ABLIM2: variants seen among roughly 807,000 people sequenced by gnomAD.
ABLIM2 encodes actin-binding LIM protein 2.
ABLIM2 carries 53 observed loss-of-function variants against 97.7 expected under a neutral mutation model. The observed-to-expected ratio is 0.54, with a 90% CI of 0.44 to 0.68. The LOEUF (loss-of-function observed/expected upper bound fraction) is 0.68, where lower values mean the gene tolerates loss of function less well. Ranked by LOEUF, ABLIM2 falls within the 30% of genes least tolerant of loss-of-function variation. The pLI is 0.00. For missense variants in ABLIM2, 835 were observed against 867.2 expected, an observed-to-expected ratio of 0.96 and a Z score of 0.47; for synonymous variants, 361 against 345.8, an observed-to-expected ratio of 1.04 and a Z score of -0.49.
At chr4:8,106,014 T>C (rs992201350) in intron 2 of ABLIM2, among the ~76,000 whole-genome samples, 3 of 152,210 alleles carry the variant, frequency 2.0e-5, no homozygotes, top group Non-Finnish European at 4.4e-5. Context: ...TATTGGTTTA[T>C]AGTCATAGAG....
At chr4:8,142,028 C>T (rs1216541356) in intron 1 of ABLIM2, among the ~76,000 whole-genome samples, 1 of 152,130 alleles carries the variant, frequency 6.6e-6, no homozygotes, top group African/African-American at 2.4e-5. Flanking sequence ...AGCGGGGCGC[C>T]GTGACCAGCC....
chr4:8,041,601 T>TA (rs1193277449), intron 9 of ABLIM2, among the ~76,000 whole-genome samples: 399 of 137,552 alleles, frequency 2.9e-3, no homozygotes, highest in Admixed American at 3.9e-3. Flanking sequence ...CCAGTTTGTT[T>TA]AAAAAAAAAA....
chr4:7,977,418 C>T (rs1734365382), intron 20 of ABLIM2, among the ~76,000 whole-genome samples: 1 of 152,188 alleles, frequency 6.6e-6, no homozygotes, highest in Non-Finnish European at 1.5e-5. Flanking sequence ...TACACACATA[C>T]ACACACATGC....
chr4:8,059,094 CCA>C (rs1801248156), intron 7 of ABLIM2, among the ~76,000 whole-genome samples: 1 of 151,992 alleles, frequency 6.6e-6, no homozygotes. Flanking sequence ...TTAATGAGTG[CCA>C]CAATAATTTT....
Position 8,143,159 on chromosome 4 carries a change from T to TTGGGG in ABLIM2, c.10+15520_10+15521insCCCCA, listed in dbSNP as rs58979220. ...CCCATACTGGGAGCGGGGGCGAGAG[T>TTGGGG]GGGGGGGGGGGGCGTCTGCAAATGC... is the stretch of plus-strand genomic sequence containing the variant. On this transcript the variant is annotated intron_variant, in intron 1 of 20. Coordinates refer to ENST00000447017, the MANE Select transcript of ABLIM2 (RefSeq NM_001130083.2). 3.1e-3 allele frequency among the ~76,000 whole-genome samples: 190 copies of TTGGGG among 61,338 alleles called. 16 individuals are homozygous for TTGGGG. The highest frequency in any genetic ancestry group is 3.7e-3 in the Non-Finnish European group (113 of 30,292). The allele number at this position is 61,338 out of a possible 152,430, so 40.2% of individuals were successfully genotyped here.
chr4:8,047,152 C>T (rs953118933), intron 8 of ABLIM2, among the ~76,000 whole-genome samples: 3 of 152,188 alleles, frequency 2.0e-5, no homozygotes, highest in Non-Finnish European at 4.4e-5. Flanking sequence ...GGAGGACAAC[C>T]CTGTGCGGCA....
intron 6 of ABLIM2, among the ~76,000 whole-genome samples, chr4:8,064,529 A>G (rs767202619): frequency 2.0e-5 from 3 of 152,202 alleles, no homozygotes; most frequent in Non-Finnish European, 4.4e-5. Flanking sequence ...CACAGCCTCC[A>G]TCACTTTAGG....
At chr4:8,141,106 AGGGACT>A (rs1306490936) in intron 1 of ABLIM2, among the ~76,000 whole-genome samples, 2 of 152,116 alleles carry the variant, frequency 1.3e-5, no homozygotes, top group African/African-American at 4.8e-5. Context: ...GGTAGCGGGA[AGGGACT>A]GGGACTGGGA....
intron 7 of ABLIM2, among the ~76,000 whole-genome samples, chr4:8,057,261 G>A (rs1799897560): frequency 6.6e-6 from 1 of 151,790 alleles, no homozygotes; most frequent in Non-Finnish European, 1.5e-5. Flanking sequence ...ACCACACCCA[G>A]TTTTAGTAGA....
intron 4 of ABLIM2, among the ~76,000 whole-genome samples, chr4:8,084,095 G>A (rs1045112848): frequency 6.6e-6 from 1 of 152,170 alleles, no homozygotes; most frequent in Non-Finnish European, 1.5e-5. Context: ...TTGGAAACAA[G>A]GACTCTGACC....
chr4:8,089,263 C>G (rs988433342), intron 3 of ABLIM2, among the ~76,000 whole-genome samples: 1 of 152,158 alleles, frequency 6.6e-6, no homozygotes, highest in African/African-American at 2.4e-5. Flanking sequence ...GCCAGGCCAC[C>G]TGCAGACAGG....
Position 7,994,761 on chromosome 4 carries a change from T to G in ABLIM2, c.1619-1834A>C. ...TTCTCCGCATCCTCTCCAGCACCTG[T>G]TGTTTCCTGACTTCATGTCCAAAAC... On this transcript the variant is annotated intron_variant, in intron 16 of 20. Coordinates refer to ENST00000447017, the MANE Select transcript of ABLIM2 (RefSeq NM_001130083.2). 1.7e-5 allele frequency among the ~76,000 whole-genome samples: 2 copies of G among 116,548 alleles called. 1 individual carries two copies. The highest frequency in any genetic ancestry group is 4.1e-5 in the Non-Finnish European group (2 of 48,326). The allele number at this position is 116,548 out of a possible 152,430, so 76.5% of individuals were successfully genotyped here.
At chr4:8,050,461 G>T (rs1795250153) in intron 8 of ABLIM2, among the ~76,000 whole-genome samples, 1 of 152,158 alleles carries the variant, frequency 6.6e-6, no homozygotes, top group Admixed American at 6.5e-5. Context: ...CTGAGGCAGG[G>T]ATGGACTGGC....
Position 8,001,048 on chromosome 4 carries a change from G to A in ABLIM2, c.1618+7011C>T, listed in dbSNP as rs1033975982. ...AGTTCCCATCCGCTCCTGGGTGCAC[G>A]GGCAGGAGGTTTGGAGGCTGTGGCA... On this transcript the variant is annotated intron_variant, in intron 16 of 20. Transcript: ENST00000447017. This position sits in a 1 kb window ranked among gnomAD's most constrained non-coding sequence, Gnocchi z 4.2. Among the ~76,000 whole-genome samples the A allele has an allele frequency of 2.6e-5, 4 of 152,232 alleles. No individual in the cohort carries two copies. Among genetic ancestry groups the A allele is most frequent in the East Asian group, 1.9e-4 (1 of 5,196 alleles).
In ABLIM2 at chr4:8,083,986, G is replaced by A. The variant is rs975022172; in HGVS notation, c.455-3184C>T. 6.6e-6 allele frequency among the ~76,000 whole-genome samples: 1 copy of A among 152,072 alleles called. No individual in the cohort carries two copies. Among genetic ancestry groups the A allele is most frequent in the African/African-American group, 2.4e-5 (1 of 41,398 alleles). On this transcript the variant is annotated intron_variant, in intron 4 of 20. Coordinates refer to ENST00000447017, the MANE Select transcript of ABLIM2 (RefSeq NM_001130083.2). This position sits in a 1 kb window ranked among gnomAD's most constrained non-coding sequence, Gnocchi z 4.6. ...CTCAGCTGGAGCTCAGGGGGTGCAGGTGCAGGAGCCAGACCCCCTCTGCAG... is the reference window on the plus strand; with the variant it reads ...CTCAGCTGGAGCTCAGGGGGTGCAGATGCAGGAGCCAGACCCCCTCTGCAG...
chr4:7,966,698 T>C lies in ABLIM2; in HGVS notation c.*292A>G, dbSNP rs1723120767. ...AGAACGCTGGGAAGGTGGGCTGGGC[T>C]GCAGCCACCTGTGTGCTCCATCTGA... On this transcript the variant is annotated 3_prime_UTR_variant, in exon 21 of 21. Coordinates refer to ENST00000447017, the MANE Select transcript of ABLIM2 (RefSeq NM_001130083.2). The C allele has an allele frequency of 2.6e-6, 1 of 384,306 alleles. No homozygotes were observed. The highest frequency in any genetic ancestry group is 5.0e-5 in the South Asian group (1 of 19,926). 23.8% of individuals were successfully genotyped at this position (384,306 alleles called of 1,614,324 possible).
intron 7 of ABLIM2, among the ~76,000 whole-genome samples, chr4:8,057,799 C>T (rs534487427): frequency 2.0e-5 from 3 of 152,208 alleles, no homozygotes; most frequent in African/African-American, 4.8e-5. Flanking sequence ...GGGGCCCATG[C>T]TTTTCAGAGC....
At position 8,148,236 on chromosome 4, in the gene ABLIM2, G is replaced by C. The variant is rs1852143671; in HGVS notation, c.10+10444C>G. ...TCCTGTGGGGGCCCTGGGCCAGGCA[G>C]GTTCTGAAGGGCCCAGTGTGTCTGG... is the stretch of plus-strand genomic sequence containing the variant. On this transcript the variant is annotated intron_variant, in intron 1 of 20. Coordinates refer to ENST00000447017, the MANE Select transcript of ABLIM2 (RefSeq NM_001130083.2). The surrounding 1 kb of genome is among the most constrained non-coding windows in gnomAD (Gnocchi z 6.7). Among the ~76,000 whole-genome samples the C allele has an allele frequency of 6.6e-6, 1 of 152,228 alleles. No homozygotes were observed. The highest frequency in any genetic ancestry group is 6.5e-5 in the Admixed American group (1 of 15,290).
In ABLIM2 at chr4:8,005,581, A is replaced by G. The variant is rs1292556146; in HGVS notation, c.1618+2478T>C. On this transcript the variant is annotated intron_variant, in intron 16 of 20. Transcript: ENST00000447017. The surrounding 1 kb of genome is among the most constrained non-coding windows in gnomAD (Gnocchi z 4.9). ...GAAAAAAAAGGGTGGCTCCCTCTCA[A>G]TCTCCATGTGCTCCCCTTCCCGCCT... Among the ~76,000 whole-genome samples, 7 of 152,076 alleles carry G rather than the reference A, an allele frequency of 4.6e-5. No individual in the cohort carries two copies. Among genetic ancestry groups the G allele is most frequent in the African/African-American group, 7.2e-5 (3 of 41,422 alleles).
Sources: gnomAD v4.1 joint callset for allele counts (sites outside exome capture counted in the v4.1 genomes callset) on GRCh38, gnomAD v4.1.1 for gene constraint, Gnocchi (gnomAD v3.1) non-coding constraint, MANE v1.5 for transcripts, NCBI Gene and HGNC (gene_info 2026-07-23, HGNC 2026-07-21) for gene names.